SAE1: variants seen among roughly 807,000 people sequenced by gnomAD.
SAE1 encodes SUMO1 activating enzyme subunit 1.
In SAE1, 11 loss-of-function variants were observed where a neutral mutation model predicts 40.6. The observed-to-expected ratio is 0.27, with a 90% CI of 0.17 to 0.45. The LOEUF (loss-of-function observed/expected upper bound fraction) is 0.45. SAE1 is among the 20% of genes least tolerant of loss of function. The pLI is 1.00. For missense variants in SAE1, 373 were observed against 427.3 expected (o/e 0.87, Z 1.12); for synonymous variants, 155 against 154.3 (o/e 1.00, Z -0.03).
intron 1 of SAE1, among the ~76,000 whole-genome samples, chr19:47,141,164 G>A (rs1229049246): frequency 6.6e-6 from 1 of 152,126 alleles, no homozygotes; most frequent in Non-Finnish European, 1.5e-5. Flanking sequence ...ACCACGCCTG[G>A]CTAATTTTTG....
chr19:47,189,374 G>T (rs1226534426), intron 6 of SAE1, among the ~76,000 whole-genome samples: 2 of 152,048 alleles, frequency 1.3e-5, no homozygotes, highest in Non-Finnish European at 2.9e-5. Flanking sequence ...TGACCAACAT[G>T]GTGAAACCCC....
chr19:47,174,373 G>A (rs899753931), intron 6 of SAE1, among the ~76,000 whole-genome samples: 4 of 149,146 alleles, frequency 2.7e-5, no homozygotes, highest in African/African-American at 9.9e-5. Flanking sequence ...GTATAGGTCA[G>A]TAATAATCAT....
At chr19:47,131,615 A>G (rs1052448269) in intron 1 of SAE1, among the ~76,000 whole-genome samples, 3 of 150,662 alleles carry the variant, frequency 2.0e-5, no homozygotes, top group Non-Finnish European at 4.4e-5. Flanking sequence ...GCTCCCGAAA[A>G]GGTTGCTTGT....
At position 47,193,219 on chromosome 19, in the gene SAE1, G is replaced by A. The variant is rs7409320; in HGVS notation, c.734-4014G>A. 5.6e-3 allele frequency among the ~76,000 whole-genome samples: 847 copies of A among 151,672 alleles called. 40 individuals carry two copies. Among genetic ancestry groups the A allele is most frequent in the Admixed American group, 0.049 (747 of 15,194 alleles). On this transcript the variant is annotated intron_variant, in intron 6 of 8. Transcript: ENST00000270225. Reference sequence around the variant, plus strand: ...ATTACAGGCACCCACCACCATGCACGGCTAATTTTTTTGGTATTTTTAGTA... The same window carrying A: ...ATTACAGGCACCCACCACCATGCACAGCTAATTTTTTTGGTATTTTTAGTA...
At chr19:47,182,464 AGT>A (rs113149127) in intron 6 of SAE1, among the ~76,000 whole-genome samples, 16,416 of 144,250 alleles carry the variant, frequency 0.11, 901 homozygotes, top group Admixed American at 0.13. Context: ...AAAAAAGCGT[AGT>A]GTGTGTGTGT....
chr19:47,204,503 C>T (rs1187951916), intron 8 of SAE1, among the ~76,000 whole-genome samples: 1 of 139,810 alleles, frequency 7.2e-6, no homozygotes, highest in Non-Finnish European at 1.5e-5. Context: ...CAGCCGCACC[C>T]CCCCCCTTTT....
chr19:47,155,531 G>A (rs1019947906), intron 5 of SAE1, among the ~76,000 whole-genome samples: 2 of 151,986 alleles, frequency 1.3e-5, no homozygotes, highest in Non-Finnish European at 2.9e-5. Flanking sequence ...CATGATCTCG[G>A]CTCACTACAG....
chr19:47,206,496 T>G (rs777328105), intron 8 of SAE1, among the ~76,000 whole-genome samples: 2 of 152,170 alleles, frequency 1.3e-5, no homozygotes, highest in Admixed American at 6.5e-5. Flanking sequence ...CGTCTTTCCT[T>G]TCTTACGTCC....
chr19:47,179,310 AG>A (rs1276449029), intron 6 of SAE1, among the ~76,000 whole-genome samples: 3 of 151,928 alleles, frequency 2.0e-5, no homozygotes, highest in African/African-American at 4.8e-5. Context: ...GTTTGAGACC[AG>A]CCTGGGCAAC....
Position 47,130,946 on chromosome 19 carries a change from G to A in SAE1, c.16G>A (p.Glu6Lys). 1.9e-6 allele frequency: 3 copies of A among 1,550,176 alleles called. No individual in the cohort carries two copies. Among genetic ancestry groups the A allele is most frequent in the Non-Finnish European group, 2.6e-6 (3 of 1,146,620 alleles). MVEKE[E>K]AGGGISEEEA... ...AGCCGGCGCCATGGTGGAGAAGGAG[G>A]AGGCTGGCGGCGGCATTAGCGAGGA... The change falls in exon 1 of 9, where the codon GAG (glutamate) becomes AAG (lysine). Residue 6 changes from glutamate to lysine, a missense_variant. Transcript: ENST00000270225.
At chr19:47,149,788 C>T (rs570345966) in intron 2 of SAE1, among the ~76,000 whole-genome samples, 2 of 152,222 alleles carry the variant, frequency 1.3e-5, no homozygotes, top group African/African-American at 4.8e-5. Flanking sequence ...AACAGTAATA[C>T]ATTTTAGGGC....
intron 6 of SAE1, among the ~76,000 whole-genome samples, chr19:47,184,538 G>T (rs975270415): frequency 6.6e-6 from 1 of 151,778 alleles, no homozygotes; most frequent in Non-Finnish European, 1.5e-5. Context: ...AACTTCCCGA[G>T]TAGCTGGGAT....
intron 5 of SAE1, among the ~76,000 whole-genome samples, chr19:47,164,020 C>T (rs1347090488): frequency 1.3e-5 from 2 of 152,040 alleles, no homozygotes; most frequent in Non-Finnish European, 2.9e-5. Flanking sequence ...CCGCCCACAT[C>T]GGCCTCCCAA....
chr19:47,201,360 CTTTTTTTTTTTTTT>C lies in SAE1; in HGVS notation c.879-2295_879-2282del, dbSNP rs57568797. ...CTGCACCTGGCCTGTTATCTGGTTC[CTTTTTTTTTTTTTT>C]TTTTTTTTTTTTTTTGAATCAGAGT... On this transcript the variant is annotated intron_variant, in intron 7 of 8. Coordinates refer to ENST00000270225, the MANE Select transcript of SAE1 (RefSeq NM_005500.3). Among the ~76,000 whole-genome samples, 18 of 66,226 alleles carry C rather than the reference CTTTTTTTTTTTTTT, an allele frequency of 2.7e-4. 1 individual carries two copies. In the South Asian group the frequency reaches 5.9e-3, roughly 22 times the overall value. The allele number at this position is 66,226 out of a possible 152,430, so 43.4% of individuals were successfully genotyped here.
At chr19:47,194,575 T>C (rs1446572012) in intron 6 of SAE1, among the ~76,000 whole-genome samples, 1 of 152,140 alleles carries the variant, frequency 6.6e-6, no homozygotes, top group Non-Finnish European at 1.5e-5. Context: ...TGTTCTGAAA[T>C]AGCCTGTGTG....
chr19:47,205,493 A>G (rs2058681629), intron 8 of SAE1, among the ~76,000 whole-genome samples: 1 of 152,158 alleles, frequency 6.6e-6, no homozygotes. Context: ...TACATAGCCC[A>G]GAGTGATGTG....
At chr19:47,186,261 A>G (rs1465073576) in intron 6 of SAE1, among the ~76,000 whole-genome samples, 2 of 151,480 alleles carry the variant, frequency 1.3e-5, no homozygotes, top group African/African-American at 4.9e-5. Flanking sequence ...TAAAAAAAAA[A>G]TAATAAAAGC....
chr19:47,208,226 TAGTC>T (rs1280098120), intron 8 of SAE1, among the ~76,000 whole-genome samples: 2 of 152,148 alleles, frequency 1.3e-5, no homozygotes, highest in African/African-American at 4.8e-5. Flanking sequence ...AACACAGTGT[TAGTC>T]ATTGTTTTAG....
intron 6 of SAE1, among the ~76,000 whole-genome samples, chr19:47,187,124 C>G (rs1213623364): frequency 6.6e-6 from 1 of 152,130 alleles, no homozygotes; most frequent in Non-Finnish European, 1.5e-5. Context: ...ATGAGGTAAA[C>G]AAAGGAAAGT....
Sources: allele counts gnomAD v4.1 joint callset (sites outside exome capture counted in the v4.1 genomes callset), GRCh38; gene constraint gnomAD v4.1.1; transcripts MANE v1.5; gene names NCBI Gene and HGNC (gene_info 2026-07-23, HGNC 2026-07-21).